The following CADM1 variants were observed in gnomAD, a reference collection of about 807,000 sequenced individuals.
The protein encoded by CADM1 is cell adhesion molecule 1.
CADM1 carries 15 observed loss-of-function variants against 53.1 expected under a neutral mutation model. The ratio of observed to expected loss-of-function variants is 0.28; its 90% CI spans 0.19 to 0.44. The LOEUF (loss-of-function observed/expected upper bound fraction) is 0.44, where lower values mean the gene tolerates loss of function less well. CADM1 is among the 20% of genes least tolerant of loss of function. The pLI, the probability that CADM1 is intolerant of heterozygous loss-of-function variation, is 1.00. For missense variants in CADM1, 434 were observed against 611.3 expected, an observed-to-expected ratio of 0.71 and a Z score of 3.06; for synonymous variants, 281 against 243.0, an observed-to-expected ratio of 1.16 and a Z score of -1.45.
At chr11:115,363,036 C>A (rs1414378790) in intron 1 of CADM1, among the ~76,000 whole-genome samples, 1 of 152,122 alleles carries the variant, frequency 6.6e-6, no homozygotes, top group Non-Finnish European at 1.5e-5. Context: ...AATTTCAAGT[C>A]CCTACCAACA....
At chr11:115,279,178 C>T (rs1373771846) in intron 1 of CADM1, among the ~76,000 whole-genome samples, 1 of 152,156 alleles carries the variant, frequency 6.6e-6, no homozygotes, top group African/African-American at 2.4e-5. Context: ...TGGACAGACC[C>T]TTTAACAACC....
At chr11:115,315,560 T>C (rs1293669045) in intron 1 of CADM1, among the ~76,000 whole-genome samples, 7 of 152,064 alleles carry the variant, frequency 4.6e-5, no homozygotes, top group Admixed American at 4.6e-4. Context: ...TAAATTCACA[T>C]GGCCACCTCT....
At chr11:115,371,093 T>C (rs1321329221) in intron 1 of CADM1, among the ~76,000 whole-genome samples, 2 of 152,020 alleles carry the variant, frequency 1.3e-5, no homozygotes, top group Non-Finnish European at 2.9e-5. Flanking sequence ...ATAATAGAAA[T>C]ATAGGTTGAC....
intron 1 of CADM1, among the ~76,000 whole-genome samples, chr11:115,388,186 C>G (rs143379975): frequency 1.3e-5 from 2 of 151,932 alleles, no homozygotes; most frequent in South Asian, 4.2e-4. Context: ...TAAGTCAATA[C>G]GACTGACAGA....
intron 1 of CADM1, among the ~76,000 whole-genome samples, chr11:115,350,495 A>T (rs1439632219): frequency 6.8e-6 from 1 of 146,960 alleles, no homozygotes; most frequent in Non-Finnish European, 1.5e-5. Flanking sequence ...AGAGCCTATG[A>T]CCATTCTTTT....
intron 8 of CADM1, among the ~76,000 whole-genome samples, chr11:115,208,492 C>T (rs1940801984): frequency 6.6e-6 from 1 of 152,100 alleles, no homozygotes; most frequent in South Asian, 2.1e-4. Flanking sequence ...TTAAAAGGAG[C>T]TGACCATGAA....
intron 1 of CADM1, among the ~76,000 whole-genome samples, chr11:115,457,770 A>C (rs1317770275): frequency 6.6e-6 from 1 of 152,152 alleles, no homozygotes; most frequent in African/African-American, 2.4e-5. Flanking sequence ...TAAAATTAAA[A>C]GTCACAGAAA....
chr11:115,345,310 C>G (rs187253772), intron 1 of CADM1, among the ~76,000 whole-genome samples: 1 of 152,330 alleles, frequency 6.6e-6, no homozygotes, highest in East Asian at 1.9e-4. Context: ...CAGAGTACAG[C>G]AATACACACA....
intron 1 of CADM1, among the ~76,000 whole-genome samples, chr11:115,298,506 A>C (rs1035295447): frequency 6.6e-6 from 1 of 152,186 alleles, no homozygotes; most frequent in Admixed American, 6.5e-5. Flanking sequence ...CCTCTTTAAC[A>C]ATAACTTCTC....
At chr11:115,377,338 G>A (rs1202559269) in intron 1 of CADM1, 23 of 152,134 alleles carry the variant, frequency 1.5e-4, no homozygotes. Flanking sequence ...ACGCTTCTGA[G>A]AGGTCTGGTG....
intron 1 of CADM1, among the ~76,000 whole-genome samples, chr11:115,267,324 A>G (rs923999612): frequency 2.6e-5 from 4 of 152,146 alleles, no homozygotes; most frequent in Non-Finnish European, 5.9e-5. Flanking sequence ...CACACCATGC[A>G]CTCTTTTGGA....
intron 5 of CADM1, among the ~76,000 whole-genome samples, chr11:115,226,986 A>T (rs1435774216): frequency 1.3e-5 from 2 of 152,220 alleles, no homozygotes; most frequent in Non-Finnish European, 2.9e-5. Flanking sequence ...AGTTCCATTC[A>T]GGTTAATATA....
chr11:115,404,454 G>T (rs1406771221), intron 1 of CADM1, among the ~76,000 whole-genome samples: 1 of 129,560 alleles, frequency 7.7e-6, no homozygotes, highest in Admixed American at 8.1e-5. Context: ...CAAACTTTTA[G>T]AAGAAAAAAA....
At chr11:115,290,178 T>C (rs1943850716) in intron 1 of CADM1, among the ~76,000 whole-genome samples, 1 of 152,216 alleles carries the variant, frequency 6.6e-6, no homozygotes, top group Non-Finnish European at 1.5e-5. Flanking sequence ...TGCAGAGGCC[T>C]GGTGGTTCTG....
chr11:115,287,329 G>T (rs560824915), intron 1 of CADM1: 6 of 152,206 alleles, frequency 3.9e-5, no homozygotes, highest in Non-Finnish European at 8.8e-5. Flanking sequence ...AGGTATGATG[G>T]ACGGAAGAAA....
At chr11:115,177,535 T>C (rs1295718386) in intron 11 of CADM1, among the ~76,000 whole-genome samples, 1 of 152,162 alleles carries the variant, frequency 6.6e-6, no homozygotes, top group Non-Finnish European at 1.5e-5. Context: ...AAGTAACAAA[T>C]CTGAGAAAGC....
chr11:115,216,664 G>A (rs540238668), intron 6 of CADM1, among the ~76,000 whole-genome samples: 1 of 152,272 alleles, frequency 6.6e-6, no homozygotes, highest in Admixed American at 6.5e-5. Flanking sequence ...ACAGAACCAA[G>A]ACCACTTTCC....
chr11:115,195,553 T>G (rs1365367140), intron 9 of CADM1, among the ~76,000 whole-genome samples: 1 of 152,232 alleles, frequency 6.6e-6, no homozygotes, highest in Non-Finnish European at 1.5e-5. Flanking sequence ...CCTTTCAACA[T>G]TTCTAGGCCC....
intron 1 of CADM1, among the ~76,000 whole-genome samples, chr11:115,243,070 T>A (rs1322053225): frequency 6.6e-6 from 1 of 152,212 alleles, no homozygotes; most frequent in Non-Finnish European, 1.5e-5. Context: ...TGAGGTTTTG[T>A]TTGTTTTCTA....
Sources: allele counts gnomAD v4.1 joint callset (sites outside exome capture counted in the v4.1 genomes callset), GRCh38; gene constraint gnomAD v4.1.1; transcripts MANE v1.5; gene names NCBI Gene and HGNC (gene_info 2026-07-23, HGNC 2026-07-21).